The following EFR3A variants were observed in gnomAD, a reference collection of about 807,000 sequenced individuals.
EFR3A encodes the protein EFR3 homolog A.
Under a neutral mutation model 104.4 loss-of-function variants are expected in EFR3A, and 76 were observed. The ratio of observed to expected loss-of-function variants is 0.73; its 90% CI spans 0.60 to 0.88. The LOEUF (loss-of-function observed/expected upper bound fraction) is 0.88. Among genes scored for constraint, EFR3A ranks in the 40% least tolerant of loss-of-function variants. The pLI is 0.00. For missense variants in EFR3A, 985 were observed against 1,012.5 expected (o/e 0.97, Z 0.37); for synonymous variants, 330 against 330.0 (o/e 1.00, Z 0.00).
At chr8:131,962,963 A>G (rs181413075) in intron 8 of EFR3A, among the ~76,000 whole-genome samples, 3 of 152,178 alleles carry the variant, frequency 2.0e-5, no homozygotes, top group African/African-American at 4.8e-5. Flanking sequence ...CTGCTCCTGA[A>G]TGACTACTGG....
intron 8 of EFR3A, among the ~76,000 whole-genome samples, chr8:131,960,144 C>T (rs1163334560): frequency 6.6e-6 from 1 of 152,158 alleles, no homozygotes; most frequent in Non-Finnish European, 1.5e-5. Context: ...TTTCCAGATG[C>T]TTACCTTCTT....
At chr8:131,955,444 G>A (rs536629222) in intron 6 of EFR3A, among the ~76,000 whole-genome samples, 1 of 152,124 alleles carries the variant, frequency 6.6e-6, no homozygotes, top group East Asian at 1.9e-4. Context: ...TGGTCTCTGG[G>A]CCCTGTGTTC....
intron 2 of EFR3A, 127 bp from the exon 3 acceptor site, chr8:131,944,618 C>CA: frequency 1.1e-6 from 1 of 947,828 alleles, no homozygotes; most frequent in South Asian, 1.8e-5. Context: ...AGGTTATGTG[C>CA]AGAAGGGTTC....
intron 1 of EFR3A, among the ~76,000 whole-genome samples, chr8:131,913,146 T>G (rs1247589129): frequency 4.6e-5 from 7 of 151,476 alleles, no homozygotes; most frequent in Non-Finnish European, 1.0e-4. Context: ...TTTTTTTTTT[T>G]TTGAATGATC....
chr8:131,924,203 C>T, intron 1 of EFR3A: 2 of 352,518 alleles, frequency 5.7e-6, no homozygotes, highest in South Asian at 2.0e-5. Flanking sequence ...ATTATTTCTG[C>T]ATACCCCATT....
chr8:132,006,014 A>C (rs1822030362), intron 22 of EFR3A, among the ~76,000 whole-genome samples: 1 of 152,186 alleles, frequency 6.6e-6, no homozygotes, highest in Non-Finnish European at 1.5e-5. Context: ...TACCTCAAAG[A>C]AGAAATGACA....
At chr8:131,979,472 G>A in intron 14 of EFR3A, 51 bp downstream of exon 14, 1 of 1,280,024 alleles carries the variant, frequency 7.8e-7, no homozygotes, top group South Asian at 1.3e-5. Context: ...ACAGCCGTTT[G>A]AATTGTTAGG....
chr8:131,977,135 T>A (rs1820363318), intron 12 of EFR3A, 43 bp downstream of exon 12: 1 of 1,421,574 alleles, frequency 7.0e-7, no homozygotes. Flanking sequence ...TAACCTTAAA[T>A]TACTGAAAAC....
At chr8:131,962,127 G>A (rs1354065133) in intron 8 of EFR3A, among the ~76,000 whole-genome samples, 26 of 151,404 alleles carry the variant, frequency 1.7e-4, no homozygotes, top group Non-Finnish European at 2.9e-4. Flanking sequence ...AAAGACCATC[G>A]AGGCTAGGAA....
chr8:131,962,565 C>T (rs972067223), intron 8 of EFR3A, among the ~76,000 whole-genome samples: 10 of 152,106 alleles, frequency 6.6e-5, no homozygotes, highest in Admixed American at 4.6e-4. Flanking sequence ...TAAAGCAAGT[C>T]GTTAGAGACT....
At chr8:131,908,640 A>C (rs1372054212) in intron 1 of EFR3A, among the ~76,000 whole-genome samples, 1 of 152,130 alleles carries the variant, frequency 6.6e-6, no homozygotes, top group African/African-American at 2.4e-5. Context: ...TCCTAATGAC[A>C]GTAAGTAATA....
At chr8:131,927,729 A>G (rs1417712499) in intron 1 of EFR3A, among the ~76,000 whole-genome samples, 1 of 152,152 alleles carries the variant, frequency 6.6e-6, no homozygotes. Flanking sequence ...CATTGAGTTT[A>G]TTCATTTACA....
chr8:131,962,670 G>C (rs551013495), intron 8 of EFR3A, among the ~76,000 whole-genome samples: 1 of 152,124 alleles, frequency 6.6e-6, no homozygotes, highest in South Asian at 2.1e-4. Flanking sequence ...AGTTAACAAG[G>C]ATATACAAGG....
At chr8:131,916,615 G>C (rs994559153) in intron 1 of EFR3A, among the ~76,000 whole-genome samples, 1 of 152,198 alleles carries the variant, frequency 6.6e-6, no homozygotes, top group Non-Finnish European at 1.5e-5. Flanking sequence ...AACTCTTGAG[G>C]AACATGTTTA....
chr8:131,998,707 G>A (rs1256854885), intron 19 of EFR3A, among the ~76,000 whole-genome samples: 2 of 151,798 alleles, frequency 1.3e-5, no homozygotes, highest in Non-Finnish European at 2.9e-5. Flanking sequence ...ATGTATTATT[G>A]ATATTTTTAT....
intron 7 of EFR3A, among the ~76,000 whole-genome samples, chr8:131,957,005 A>T (rs1049157971): frequency 6.6e-6 from 1 of 152,214 alleles, no homozygotes; most frequent in Non-Finnish European, 1.5e-5. Context: ...CTTGGAAGAA[A>T]GAATTTACCA....
chr8:131,968,408 C>A lies in EFR3A; in HGVS notation c.969C>A (p.Ala323=). Reference sequence around the variant, plus strand: ...TTCAGGTTCTGTTAGAGGCTGTTGCCATTGCTGCTAAAGGTTCCATAGGTG... The same window carrying A: ...TTCAGGTTCTGTTAGAGGCTGTTGCAATTGCTGCTAAAGGTTCCATAGGTG... ...GIIQVLLEAV[A]IAAKGSIGPT... is the part of the protein sequence containing the mutation. The change falls in exon 9 of 23, where the codon GCC becomes GCA. Residue 323 remains alanine, a synonymous_variant. Transcript: ENST00000254624. The A allele has an allele frequency of 6.2e-7, 1 of 1,613,540 alleles. No homozygotes were observed. The highest frequency in any genetic ancestry group is 1.3e-5 in the African/African-American group (1 of 75,016).
In EFR3A at chr8:132,011,114, A is replaced by T; in HGVS notation, c.*219A>T. 1 of 1,210,014 alleles carries T rather than the reference A, an allele frequency of 8.3e-7. No homozygotes were observed. The highest frequency in any genetic ancestry group is 1.5e-5 in the African/African-American group (1 of 65,612). 75.0% of individuals were successfully genotyped at this position (1,210,014 alleles called of 1,614,324 possible). A position where few individuals can be genotyped will look rare whatever the true frequency, so the allele number is the denominator to read the frequency against. On this transcript the variant is annotated 3_prime_UTR_variant, in exon 23 of 23. Transcript: ENST00000254624. The stretch of plus-strand genomic sequence containing the variant: ...ATTTATGCCATGTTAATTTGCTTTG[A>T]GGTTCCTGTTGCCTTTTTAAGTTGA...
At chr8:131,980,021 A>T (rs935262171) in intron 14 of EFR3A, among the ~76,000 whole-genome samples, 1 of 152,114 alleles carries the variant, frequency 6.6e-6, no homozygotes, top group Non-Finnish European at 1.5e-5. Context: ...ATTCGTCCAA[A>T]GCTTGGGCAC....
Sources: gnomAD v4.1 joint callset for allele counts (sites outside exome capture counted in the v4.1 genomes callset) on GRCh38, gnomAD v4.1.1 for gene constraint, MANE v1.5 for transcripts, NCBI Gene and HGNC (gene_info 2026-07-23, HGNC 2026-07-21) for gene names.